Variants in ROCK1 observed in about 807,000 individuals in gnomAD.
ROCK1 encodes Rho associated coiled-coil containing protein kinase 1, also known as rho-associated protein kinase 1.
Under a neutral mutation model 196.8 loss-of-function variants are expected in ROCK1, and 36 were observed. The observed-to-expected ratio is 0.18, with a 90% CI of 0.14 to 0.24. The LOEUF is 0.24. Ranked by LOEUF, ROCK1 falls within the 10% of genes least tolerant of loss-of-function variation. The pLI is 1.00. For synonymous variants in ROCK1, 443 were observed against 515.9 expected (o/e 0.86, Z 1.91); for missense variants, 920 against 1,562.0 (o/e 0.59, Z 6.93).
At chr18:20,993,317 C>T (rs2143411640) in intron 16 of ROCK1, among the ~76,000 whole-genome samples, 1 of 152,306 alleles carries the variant, frequency 6.6e-6, no homozygotes, top group South Asian at 2.1e-4. Flanking sequence ...ATTCTCCTGC[C>T]TCAGCCTCCC....
intron 19 of ROCK1, among the ~76,000 whole-genome samples, chr18:20,986,357 T>C (rs1262839297): frequency 6.6e-6 from 1 of 152,204 alleles, no homozygotes; most frequent in Non-Finnish European, 1.5e-5. Flanking sequence ...CTCTAGCAAG[T>C]AAAGCCCTGA....
rs764882019 is a variant in ROCK1 at position 20,991,185 on chromosome 18, C to A, written c.2134G>T (p.Ala712Ser). 1.3e-6 allele frequency: 2 copies of A among 1,597,120 alleles called. No individual in the cohort carries two copies. The highest frequency in any genetic ancestry group is 1.7e-6 in the Non-Finnish European group (2 of 1,175,384). ...TAAAACTGACACTTACCACACATTG[C>A]CACAGACTTTGCCTCTTCAATAGAT... ...HQSIEEAKSV[A>S]MCEMEKKLKE... is the part of the protein sequence containing the mutation. The change falls in exon 18 of 33, where the codon GCA becomes TCA. Residue 712 changes from alanine (A) to serine (S), a missense_variant. Ala to Ser is a moderately conservative substitution (Grantham distance 99, BLOSUM62 1). Transcript: ENST00000399799.
intron 1 of ROCK1, among the ~76,000 whole-genome samples, chr18:21,084,347 G>A (rs1052197374): frequency 1.3e-5 from 2 of 151,670 alleles, no homozygotes; most frequent in Non-Finnish European, 2.9e-5. Context: ...CCACAGAATG[G>A]GAGAAAATAT....
intron 1 of ROCK1, among the ~76,000 whole-genome samples, chr18:21,099,396 C>T (rs977106212): frequency 3.9e-5 from 6 of 152,052 alleles, no homozygotes; most frequent in African/African-American, 1.4e-4. Flanking sequence ...GGTAGAGAGA[C>T]GTGGATCAAA....
chr18:21,082,850 A>G (rs192281225), intron 1 of ROCK1, among the ~76,000 whole-genome samples: 5 of 152,296 alleles, frequency 3.3e-5, no homozygotes, highest in African/African-American at 1.2e-4. Context: ...TAAGAAAAAG[A>G]AATAAAAGGC....
At chr18:21,098,031 A>T (rs1351373554) in intron 1 of ROCK1, among the ~76,000 whole-genome samples, 1 of 152,218 alleles carries the variant, frequency 6.6e-6, no homozygotes, top group East Asian at 1.9e-4. Flanking sequence ...GCTTTAGTAA[A>T]CTGTCCAAGG....
chr18:20,982,797 A>G lies in ROCK1; in HGVS notation c.2525T>C (p.Leu842Pro). 2 of 1,584,014 alleles carry G rather than the reference A, an allele frequency of 1.3e-6. No individual in the cohort carries two copies. Among genetic ancestry groups the G allele is most frequent in the Non-Finnish European group, 8.7e-7 (1 of 1,153,712 alleles). The change falls in exon 21 of 33, where the codon CTA (leucine) becomes CCA (proline). Residue 842 changes from leucine to proline, a missense_variant. Leu to Pro is a moderately conservative substitution (Grantham distance 98, BLOSUM62 -3). Coordinates refer to ENST00000399799, the MANE Select transcript of ROCK1 (RefSeq NM_005406.3). Reference sequence around the variant, plus strand: ...TTGCTCAGCTTCAAGCTGATCTTGTAGCTCCCGCATCTGTCCTTCATTTCC... The same window carrying G: ...TTGCTCAGCTTCAAGCTGATCTTGTGGCTCCCGCATCTGTCCTTCATTTCC... ...YRGNEGQMRE[L>P]QDQLEAEQYF...
At chr18:21,050,491 C>T (rs2036195012) in intron 2 of ROCK1, among the ~76,000 whole-genome samples, 1 of 152,042 alleles carries the variant, frequency 6.6e-6, no homozygotes, top group Non-Finnish European at 1.5e-5. Flanking sequence ...CTACAAACTA[C>T]AATAATTCAC....
chr18:21,073,887 T>C (rs1345854435), intron 1 of ROCK1, among the ~76,000 whole-genome samples: 1 of 152,168 alleles, frequency 6.6e-6, no homozygotes, highest in Non-Finnish European at 1.5e-5. Context: ...ATGCTGTGGC[T>C]CACAACTGCA....
At chr18:21,091,513 G>A (rs1038294624) in intron 1 of ROCK1, among the ~76,000 whole-genome samples, 7 of 97,280 alleles carry the variant, frequency 7.2e-5, no homozygotes, top group African/African-American at 1.9e-4. Context: ...AGAGACAGGA[G>A]AATCACTTGA....
intron 16 of ROCK1, among the ~76,000 whole-genome samples, chr18:21,006,064 T>C (rs1840582584): frequency 6.6e-6 from 1 of 152,140 alleles, no homozygotes; most frequent in Admixed American, 6.5e-5. Context: ...CATTGATAGA[T>C]GAGTGGATGA....
In ROCK1 at chr18:21,028,675, G is replaced by A. The variant is rs2035981714; in HGVS notation, c.1211+101C>T. On this transcript the variant is annotated intron_variant, in intron 10 of 32. Transcript: ENST00000399799. ...TCAATGAAAAATTGCATAATAAGGT[G>A]TATCTTTATATAGCATTAAATCTAC... is the stretch of plus-strand genomic sequence containing the variant. 3 of 999,026 alleles carry A rather than the reference G, an allele frequency of 3.0e-6. No homozygotes were observed. The African/African-American group carries it at 5.0e-5, about 17-fold the overall frequency. 61.9% of individuals were successfully genotyped at this position (999,026 alleles called of 1,614,324 possible).
chr18:20,958,871 T>TTA (rs1198319826), intron 29 of ROCK1, among the ~76,000 whole-genome samples: 6 of 116,684 alleles, frequency 5.1e-5, no homozygotes, highest in African/African-American at 6.9e-5. Flanking sequence ...AATATATATA[T>TTA]TATATATATA....
chr18:21,058,002 T>C (rs2036258355), intron 2 of ROCK1, among the ~76,000 whole-genome samples: 1 of 152,188 alleles, frequency 6.6e-6, no homozygotes, highest in Middle Eastern at 3.2e-3. Flanking sequence ...TTAGGTAACA[T>C]TTAAAATTGT....
chr18:21,022,683 A>G (rs993737567), intron 11 of ROCK1, among the ~76,000 whole-genome samples: 2 of 152,122 alleles, frequency 1.3e-5, no homozygotes, highest in Non-Finnish European at 2.9e-5. Flanking sequence ...CTGAGCTACG[A>G]TAAGATTTTC....
Position 21,027,988 on chromosome 18 carries a change from C to T in ROCK1, c.1211+788G>A, listed in dbSNP as rs867139762. Among the ~76,000 whole-genome samples the T allele has an allele frequency of 9.7e-4, 141 of 145,660 alleles. 1 individual carries two copies. Among genetic ancestry groups the T allele is most frequent in the Non-Finnish European group, 1.8e-3 (119 of 65,654 alleles). ...GTGTTAGCCAGGATGGTCTCGATCTCCTGACCTCGTGATCCGCCCGCCTCG... is the reference window on the plus strand; with the variant it reads ...GTGTTAGCCAGGATGGTCTCGATCTTCTGACCTCGTGATCCGCCCGCCTCG... On this transcript the variant is annotated intron_variant, in intron 10 of 32. Transcript: ENST00000399799.
intron 2 of ROCK1, among the ~76,000 whole-genome samples, chr18:21,056,414 A>G (rs909571127): frequency 1.3e-5 from 2 of 152,176 alleles, no homozygotes; most frequent in Non-Finnish European, 2.9e-5. Flanking sequence ...CCTAGGGGGC[A>G]TTCTTGACTC....
At chr18:21,104,969 G>A (rs2036691550) in intron 1 of ROCK1, among the ~76,000 whole-genome samples, 1 of 152,140 alleles carries the variant, frequency 6.6e-6, no homozygotes, top group Non-Finnish European at 1.5e-5. Context: ...AGCGGCTTGA[G>A]GTGCCAGATA....
At chr18:20,965,657 GCTACAGGTT>G (rs927899598) in intron 27 of ROCK1, among the ~76,000 whole-genome samples, 2 of 152,128 alleles carry the variant, frequency 1.3e-5, no homozygotes, top group Non-Finnish European at 2.9e-5. Flanking sequence ...AATAACTAAA[GCTACAGGTT>G]CTTATTAAAT....
Sources: allele counts gnomAD v4.1 joint callset (sites outside exome capture counted in the v4.1 genomes callset), GRCh38; gene constraint gnomAD v4.1.1; transcripts MANE v1.5; gene names NCBI Gene and HGNC (gene_info 2026-07-23, HGNC 2026-07-21).